The following UBR1 variants were observed in gnomAD, a reference collection of about 807,000 sequenced individuals.
UBR1 encodes the protein E3 ubiquitin-protein ligase UBR1.
In UBR1, 102 loss-of-function variants were observed where a neutral mutation model predicts 242.1. That is an observed-to-expected ratio of 0.42 (90% confidence interval 0.36 to 0.50). The LOEUF (loss-of-function observed/expected upper bound fraction) is 0.50. Among genes scored for constraint, UBR1 ranks in the 20% least tolerant of loss-of-function variants. UBR1 has a pLI of 0.01. For missense variants in UBR1, 1,772 were observed against 2,101.8 expected (o/e 0.84, Z 3.07); for synonymous variants, 675 against 684.8 (o/e 0.99, Z 0.22).
chr15:43,070,384 C>T (rs899731958), intron 5 of UBR1, among the ~76,000 whole-genome samples: 36 of 152,062 alleles, frequency 2.4e-4, no homozygotes, highest in East Asian at 7.7e-4. Flanking sequence ...GCTAAAAACC[C>T]GGGCTAAATG....
At chr15:43,040,466 C>T (rs2033402605) in intron 15 of UBR1, among the ~76,000 whole-genome samples, 1 of 152,182 alleles carries the variant, frequency 6.6e-6, no homozygotes, top group Non-Finnish European at 1.5e-5. Flanking sequence ...GGATTAAAGA[C>T]TTAAATGTAA....
At chr15:43,047,441 A>G (rs536220663) in intron 13 of UBR1, 152 bp from the exon 14 acceptor site, 2 of 1,189,776 alleles carry the variant, frequency 1.7e-6, no homozygotes, top group Admixed American at 3.7e-5. Flanking sequence ...GCTCTCAGGT[A>G]TGTGCTCAGG....
intron 5 of UBR1, among the ~76,000 whole-genome samples, chr15:43,069,268 A>C (rs975923995): frequency 6.6e-6 from 1 of 151,782 alleles, no homozygotes; most frequent in East Asian, 1.9e-4. Flanking sequence ...CACGGGCTAC[A>C]TATGTGTTCA....
At chr15:42,983,665 CAATAATAATAATAAT>C (rs60519719) in intron 37 of UBR1, among the ~76,000 whole-genome samples, 4 of 137,370 alleles carry the variant, frequency 2.9e-5, no homozygotes, top group Non-Finnish European at 4.6e-5. Flanking sequence ...AACTCCCACT[CAATAATAATAATAAT>C]AATAATAATA....
intron 1 of UBR1, among the ~76,000 whole-genome samples, chr15:43,101,611 C>T (rs1596145444): frequency 6.6e-6 from 1 of 152,246 alleles, no homozygotes; most frequent in East Asian, 1.9e-4. Context: ...GGGTGGATCA[C>T]TTGAGGTCGG....
At chr15:43,040,578 CAA>C (rs1448609654) in intron 15 of UBR1, among the ~76,000 whole-genome samples, 1 of 152,160 alleles carries the variant, frequency 6.6e-6, no homozygotes, top group African/African-American at 2.4e-5. Flanking sequence ...GCAATGGCAA[CAA>C]AAGACAAAAT....
intron 29 of UBR1, among the ~76,000 whole-genome samples, chr15:43,009,561 C>T (rs1468935520): frequency 6.6e-6 from 1 of 152,218 alleles, no homozygotes; most frequent in Non-Finnish European, 1.5e-5. Flanking sequence ...GGCAAAGGTG[C>T]CACTGGCCAC....
intron 6 of UBR1, among the ~76,000 whole-genome samples, chr15:43,063,128 C>T (rs1053981849): frequency 2.0e-5 from 3 of 152,154 alleles, no homozygotes; most frequent in African/African-American, 7.2e-5. Context: ...AAAAGCTTTT[C>T]TTGCAATCAC....
intron 5 of UBR1, among the ~76,000 whole-genome samples, chr15:43,069,754 C>G (rs2033801506): frequency 6.6e-6 from 1 of 152,280 alleles, no homozygotes; most frequent in East Asian, 1.9e-4. Flanking sequence ...GCCTAGAACT[C>G]AGATGTGTGA....
intron 11 of UBR1, among the ~76,000 whole-genome samples, chr15:43,055,462 T>C (rs2033605847): frequency 6.6e-6 from 1 of 151,616 alleles, no homozygotes; most frequent in African/African-American, 2.4e-5. Context: ...AATCACACAA[T>C]GAGCAAGTAT....
chr15:42,955,036 G>A (rs1197555300), intron 44 of UBR1, among the ~76,000 whole-genome samples: 2 of 152,016 alleles, frequency 1.3e-5, no homozygotes, highest in African/African-American at 2.4e-5. Context: ...GAGTGGTGGC[G>A]GGTGCCTGTA....
At chr15:43,096,322 TG>T (rs1275318031) in intron 1 of UBR1, among the ~76,000 whole-genome samples, 1 of 151,962 alleles carries the variant, frequency 6.6e-6, no homozygotes, top group Non-Finnish European at 1.5e-5. Context: ...TACAGGCGCC[TG>T]GCTCATTTTT....
At chr15:43,006,522 G>A (rs955447272) in intron 30 of UBR1, among the ~76,000 whole-genome samples, 2 of 152,106 alleles carry the variant, frequency 1.3e-5, no homozygotes, top group Non-Finnish European at 2.9e-5. Flanking sequence ...CACCCACACC[G>A]GCTTCCCAAA....
Position 43,021,382 on chromosome 15 carries a change from T to C in UBR1, c.2840-7A>G, listed in dbSNP as rs368036494. 3.5e-5 allele frequency: 56 copies of C among 1,612,722 alleles called. No individual in the cohort carries two copies. In the African/African-American group the frequency reaches 7.1e-4, roughly 20 times the overall value. ...ATGGCTGAACTTCCCAATCCTTTTT[T>C]AAAACACAAAATCACACATCATAAA... On this transcript the variant is annotated splice_polypyrimidine_tract_variant and splice_region_variant and intron_variant, in intron 26 of 46. Coordinates refer to ENST00000290650, the MANE Select transcript of UBR1 (RefSeq NM_174916.3).
chr15:43,048,533 T>C (rs552592171), intron 12 of UBR1, 42 bp from the exon 13 acceptor site: 1 of 1,495,862 alleles, frequency 6.7e-7, no homozygotes, highest in East Asian at 2.3e-5. Flanking sequence ...TTTATCTATT[T>C]TGAGATAATT....
intron 33 of UBR1, among the ~76,000 whole-genome samples, chr15:42,992,042 G>A (rs2032564245): frequency 6.6e-6 from 1 of 152,124 alleles, no homozygotes; most frequent in South Asian, 2.1e-4. Flanking sequence ...CTGAGCCACT[G>A]TGCTCAGCCT....
chr15:43,099,155 G>A (rs562713792), intron 1 of UBR1, among the ~76,000 whole-genome samples: 5 of 152,030 alleles, frequency 3.3e-5, no homozygotes, highest in South Asian at 2.1e-4. Context: ...CGGCCAACAC[G>A]GCAAAATCCC....
rs765558871 is a variant in UBR1, at chr15:43,070,809, A to G, written c.645T>C (p.Pro215=). ...GTTTTCCCCACCTTATCTGGAGTTCAGGAGGCAGTTCTTTTTCCTCTTCCC... is the reference window on the plus strand; with the variant it reads ...GTTTTCCCCACCTTATCTGGAGTTCGGGAGGCAGTTCTTTTTCCTCTTCCC... The part of the protein sequence containing the change: ...TIWEEEKELP[P]ELQIREKNER... The change falls in exon 5 of 47, where the codon CCT becomes CCC. Residue 215 remains proline, a synonymous_variant. Coordinates refer to ENST00000290650, the MANE Select transcript of UBR1 (RefSeq NM_174916.3). The G allele has an allele frequency of 1.4e-5, 22 of 1,613,470 alleles. No homozygotes were observed. The African/African-American group carries it at 2.3e-4, about 17-fold the overall frequency.
rs576341424 is a variant in UBR1 at position 43,082,651 on chromosome 15, T to C, written c.404A>G (p.Asn135Ser). Residue 135 changes from asparagine to serine, a missense_variant, in exon 3 of 47, where the codon AAT becomes AGT. By Grantham distance (46) the Asn-to-Ser change is conservative. Transcript: ENST00000290650. ...ATATTTTCTTACCTTGTAACGATGA[T>C]TTTTATGAACACTGTCCTGGAAGCA... ...MDCFQDSVHK[N>S]HRYKMHTSTG... 2 of 1,613,720 alleles carry C rather than the reference T, an allele frequency of 1.2e-6. No homozygotes were observed. Among genetic ancestry groups the C allele is most frequent in the Admixed American group, 1.7e-5 (1 of 60,014 alleles).
Sources: gnomAD v4.1 joint callset for allele counts (sites outside exome capture counted in the v4.1 genomes callset) on GRCh38, gnomAD v4.1.1 for gene constraint, MANE v1.5 for transcripts, NCBI Gene and HGNC (gene_info 2026-07-23, HGNC 2026-07-21) for gene names.